NPHP4: variants seen among roughly 807,000 people sequenced by gnomAD.
NPHP4 encodes the protein nephrocystin-4.
A neutral mutation model predicts 155.8 loss-of-function variants in NPHP4; 151 were observed. That is an observed-to-expected ratio of 0.97 (90% CI 0.85 to 1.11). NPHP4 has a LOEUF of 1.11. Among genes scored for constraint, NPHP4 ranks in the 50% least tolerant of loss-of-function variants. The pLI, the probability that NPHP4 is intolerant of heterozygous loss-of-function variation, is 0.00. For missense variants in NPHP4, 1,956 were observed against 1,925.7 expected (o/e 1.02, Z -0.29); for synonymous variants, 845 against 816.8 (o/e 1.03, Z -0.59).
chr1:5,990,904 G>T (rs1656155378), intron 1 of NPHP4, among the ~76,000 whole-genome samples: 1 of 152,150 alleles, frequency 6.6e-6, no homozygotes, highest in Non-Finnish European at 1.5e-5. Context: ...GATCTATTCA[G>T]CAACTATTTC....
At chr1:5,875,409 C>T (rs17027336) in intron 20 of NPHP4, among the ~76,000 whole-genome samples, 8,332 of 152,282 alleles carry the variant, frequency 0.055, 701 homozygotes, top group African/African-American at 0.19. Context: ...GGTGGAGAAT[C>T]AGAAGTTTCA....
At chr1:5,977,693 G>A (rs11120936) in intron 3 of NPHP4, among the ~76,000 whole-genome samples, 98,597 of 149,024 alleles carry the variant, frequency 0.66, 32,551 homozygotes, top group East Asian at 0.76. Flanking sequence ...GTGGCCAGCC[G>A]CAAGACCACC....
At chr1:5,864,129 C>T in intron 28 of NPHP4, 96 bp from the exon 29 acceptor site, 3 of 1,417,092 alleles carry the variant, frequency 2.1e-6, no homozygotes, top group Non-Finnish European at 2.9e-6. Context: ...GTGCACCGTG[C>T]ACGGGGACCC....
chr1:5,893,946 A>C (rs1030872144), intron 16 of NPHP4, among the ~76,000 whole-genome samples: 4 of 152,136 alleles, frequency 2.6e-5, no homozygotes, highest in African/African-American at 7.2e-5. Flanking sequence ...CTCAGCTCCT[A>C]TCTCTGTATG....
At chr1:5,969,312 G>A in intron 3 of NPHP4, 53 bp from the exon 4 acceptor site, 1 of 1,289,696 alleles carries the variant, frequency 7.8e-7, no homozygotes. Flanking sequence ...CACACAAAGA[G>A]GACATGGGCG....
intron 9 of NPHP4, among the ~76,000 whole-genome samples, chr1:5,940,820 C>A (rs1646779129): frequency 6.6e-6 from 1 of 152,096 alleles, no homozygotes; most frequent in Non-Finnish European, 1.5e-5. Flanking sequence ...AATGGAAAGA[C>A]ATCCTGTTCT....
In NPHP4 at chr1:5,944,004, T is replaced by TA. The variant is rs1270194173; in HGVS notation, c.1119+3099dup. ...AGCGCACCACATGCTTCTCCACTGT[T>TA]AGCTTTGAAATTTCCCAAAATAAAA... On this transcript the variant is annotated intron_variant, in intron 9 of 29. Transcript: ENST00000378156. The surrounding 1 kb of genome is among the most constrained non-coding windows in gnomAD (Gnocchi z 4.3). Among the ~76,000 whole-genome samples the TA allele has an allele frequency of 1.3e-5, 2 of 152,234 alleles. No individual in the cohort carries two copies. The highest frequency in any genetic ancestry group is 6.5e-5 in the Admixed American group (1 of 15,286).
At chr1:5,952,857 A>T in intron 6 of NPHP4, 21 bp from the exon 7 acceptor site, 1 of 1,587,606 alleles carries the variant, frequency 6.3e-7, no homozygotes, top group Non-Finnish European at 8.6e-7. Flanking sequence ...GAGGGTGCGA[A>T]AAGGGTCATC....
intron 9 of NPHP4, among the ~76,000 whole-genome samples, chr1:5,937,002 C>T (rs35078529): frequency 0.17 from 25,991 of 152,200 alleles, 2,295 homozygotes; most frequent in African/African-American, 0.21. Context: ...GGCCACATGA[C>T]GAGGGGGCGG....
intron 23 of NPHP4, 122 bp from the exon 24 acceptor site, chr1:5,868,018 G>T (rs1047346841): frequency 9.2e-7 from 1 of 1,086,214 alleles, no homozygotes; most frequent in Non-Finnish European, 1.4e-6. Flanking sequence ...CCACTGCCAT[G>T]AGCGGGGAAG....
intron 10 of NPHP4, among the ~76,000 whole-genome samples, chr1:5,929,132 T>C (rs1646154209): frequency 6.6e-6 from 1 of 152,244 alleles, no homozygotes; most frequent in African/African-American, 2.4e-5. Context: ...TGATTTTTCA[T>C]GTTGACTTCC....
chr1:5,990,746 G>A (rs976353903), intron 1 of NPHP4, among the ~76,000 whole-genome samples: 1 of 152,192 alleles, frequency 6.6e-6, no homozygotes, highest in Non-Finnish European at 1.5e-5. Flanking sequence ...GGAGAAGAGA[G>A]GCCCAGAGGG....
intron 7 of NPHP4, among the ~76,000 whole-genome samples, chr1:5,948,755 G>C (rs1471825968): frequency 6.6e-6 from 1 of 152,134 alleles, no homozygotes; most frequent in African/African-American, 2.4e-5. Context: ...TCTACCCAGA[G>C]ACCTGAGACT....
chr1:5,959,884 G>A (rs1192946115), intron 6 of NPHP4, among the ~76,000 whole-genome samples: 1 of 152,098 alleles, frequency 6.6e-6, no homozygotes, highest in Non-Finnish European at 1.5e-5. Flanking sequence ...CTGAAGATCA[G>A]TATCAACTAG....
chr1:5,952,306 T>C (rs990459160), intron 7 of NPHP4, among the ~76,000 whole-genome samples: 7 of 152,210 alleles, frequency 4.6e-5, no homozygotes, highest in Non-Finnish European at 7.3e-5. Context: ...CCTATGCTCA[T>C]CTGGTGATTT....
chr1:5,867,677 AG>A lies in NPHP4; in HGVS notation c.3472+62del. ...CATGAGGCCATCTGTCACCCTCAAGAGGTATCTACTTCCAACAGGTGAGCCT... is the reference window on the plus strand; with the variant it reads ...CATGAGGCCATCTGTCACCCTCAAGAGTATCTACTTCCAACAGGTGAGCCT... On this transcript the variant is annotated intron_variant, in intron 24 of 29. Coordinates refer to ENST00000378156, the MANE Select transcript of NPHP4 (RefSeq NM_015102.5). This position sits in a 1 kb window ranked among gnomAD's most constrained non-coding sequence, Gnocchi z 4.1. 1 of 1,553,626 alleles carries A rather than the reference AG, an allele frequency of 6.4e-7. No individual in the cohort carries two copies. The highest frequency in any genetic ancestry group is 1.1e-5 in the South Asian group (1 of 88,558).
At chr1:5,961,656 C>A in intron 6 of NPHP4, 138 bp downstream of exon 6, 1 of 731,010 alleles carries the variant, frequency 1.4e-6, no homozygotes, top group East Asian at 2.7e-5. Context: ...CCCCACAACC[C>A]CCGCCAGGCC....
chr1:5,969,374 C>T (rs1449721709), intron 3 of NPHP4, 115 bp from the exon 4 acceptor site: 2 of 585,424 alleles, frequency 3.4e-6, no homozygotes, highest in Non-Finnish European at 2.9e-6. Context: ...CATCCGGAAC[C>T]CTCTACCATG....
chr1:5,868,189 G>A (rs1211645488), intron 23 of NPHP4: 2 of 481,612 alleles, frequency 4.2e-6, no homozygotes, highest in Non-Finnish European at 7.8e-6. Flanking sequence ...TGCCAGTGGA[G>A]AAGGTCTGCA....
Sources: allele counts gnomAD v4.1 joint callset (sites outside exome capture counted in the v4.1 genomes callset), GRCh38; gene constraint gnomAD v4.1.1; non-coding constraint Gnocchi (gnomAD v3.1); transcripts MANE v1.5; gene names NCBI Gene and HGNC (gene_info 2026-07-23, HGNC 2026-07-21).